The following CHSY3 variants were observed in gnomAD, a reference collection of about 807,000 sequenced individuals.
The protein encoded by CHSY3 is chondroitin sulfate synthase 3, also known as N-acetylgalactosaminyl-proteoglycan 3-beta-glucuronosyltransferase 3.
In CHSY3, 35 loss-of-function variants were observed where a neutral mutation model predicts 67.2. That is an observed-to-expected ratio of 0.52 (90% CI 0.40 to 0.69). The LOEUF (loss-of-function observed/expected upper bound fraction) is 0.69, where lower values mean the gene tolerates loss of function less well. Among genes scored for constraint, CHSY3 ranks in the 30% least tolerant of loss-of-function variants. The probability of loss-of-function intolerance (pLI) is 0.00; values close to 1 mark genes in which losing one functional copy is unlikely to be tolerated. For synonymous variants in CHSY3, 474 were observed against 434.7 expected, an observed-to-expected ratio of 1.09 and a Z score of -1.12; for missense variants, 1,069 against 1,138.5, an observed-to-expected ratio of 0.94 and a Z score of 0.88.
chr5:129,967,247 G>A (rs988954849), intron 2 of CHSY3, among the ~76,000 whole-genome samples: 1 of 151,742 alleles, frequency 6.6e-6, no homozygotes, highest in African/African-American at 2.4e-5. Context: ...TTAATGGAGA[G>A]CCTTTTTACA....
intron 2 of CHSY3, among the ~76,000 whole-genome samples, chr5:130,053,459 C>T (rs905486869): frequency 6.6e-5 from 10 of 152,016 alleles, no homozygotes; most frequent in Admixed American, 2.0e-4. Context: ...GAAATGCATC[C>T]GTTAGTAATG....
chr5:130,026,049 GA>G (rs1233171836), intron 2 of CHSY3, among the ~76,000 whole-genome samples: 2 of 152,138 alleles, frequency 1.3e-5, no homozygotes, highest in African/African-American at 2.4e-5. Flanking sequence ...CAATGAAGAT[GA>G]AAAGTGAAGT....
intron 2 of CHSY3, among the ~76,000 whole-genome samples, chr5:130,174,120 A>G (rs1039875360): frequency 3.9e-5 from 6 of 152,104 alleles, no homozygotes; most frequent in Non-Finnish European, 7.4e-5. Context: ...CATATTCACC[A>G]TTATATTGCA....
chr5:130,007,965 C>G (rs1763923892), intron 2 of CHSY3, among the ~76,000 whole-genome samples: 1 of 152,150 alleles, frequency 6.6e-6, no homozygotes, highest in Admixed American at 6.5e-5. Flanking sequence ...ACTGACAGAC[C>G]TTGGCTAACC....
In CHSY3 at chr5:129,905,084, G is replaced by T. The variant is rs766193904; in HGVS notation, c.255G>T (p.Gly85=). 1 of 1,542,554 alleles carries T rather than the reference G, an allele frequency of 6.5e-7. No individual in the cohort carries two copies. The highest frequency in any genetic ancestry group is 8.7e-7 in the Non-Finnish European group (1 of 1,150,258). ...CCCCCGCGCGCCAGGATCTCCAGGG[G>T]CCACCGCTGCCCGAGGCAGCACCCG... The part of the protein sequence containing the change: ...SPPPARQDLQ[G]PPLPEAAPGI... The change falls in exon 1 of 3, where the codon GGG becomes GGT. Residue 85 remains glycine, a synonymous_variant. Coordinates refer to ENST00000305031, the MANE Select transcript of CHSY3 (RefSeq NM_175856.5).
intron 2 of CHSY3, among the ~76,000 whole-genome samples, chr5:129,971,966 C>T (rs1020178208): frequency 6.6e-6 from 1 of 152,006 alleles, no homozygotes; most frequent in African/African-American, 2.4e-5. Flanking sequence ...AACATCTCTT[C>T]ATCTGCAGCT....
At chr5:130,109,961 G>T (rs757537789) in intron 2 of CHSY3, among the ~76,000 whole-genome samples, 4 of 151,828 alleles carry the variant, frequency 2.6e-5, no homozygotes, top group African/African-American at 4.8e-5. Context: ...ATAGAGAATG[G>T]AGAGGTTCAA....
chr5:129,977,475 T>C (rs1256419029), intron 2 of CHSY3, among the ~76,000 whole-genome samples: 2 of 152,126 alleles, frequency 1.3e-5, no homozygotes, highest in Non-Finnish European at 2.9e-5. Flanking sequence ...ATTACATAAG[T>C]TGAATATATA....
At chr5:130,065,768 G>T (rs191193911) in intron 2 of CHSY3, among the ~76,000 whole-genome samples, 33 of 152,242 alleles carry the variant, frequency 2.2e-4, no homozygotes, top group Admixed American at 1.3e-3. Flanking sequence ...TTTATTGTCT[G>T]ACATCATTGT....
At chr5:130,082,606 T>C (rs1286876310) in intron 2 of CHSY3, among the ~76,000 whole-genome samples, 1 of 152,052 alleles carries the variant, frequency 6.6e-6, no homozygotes, top group Non-Finnish European at 1.5e-5. Context: ...AAATTCCTTA[T>C]ATAGTGATTT....
At chr5:130,149,505 C>A (rs1228863738) in intron 2 of CHSY3, among the ~76,000 whole-genome samples, 1 of 152,148 alleles carries the variant, frequency 6.6e-6, no homozygotes, top group Non-Finnish European at 1.5e-5. Context: ...AGCAAGAGCT[C>A]ACTGTCACAA....
intron 2 of CHSY3, among the ~76,000 whole-genome samples, chr5:130,009,425 T>A (rs1429880317): frequency 6.6e-6 from 1 of 151,880 alleles, no homozygotes; most frequent in Non-Finnish European, 1.5e-5. Context: ...GCTAAGAGAA[T>A]TCATTACCAC....
rs9918262 is a variant in CHSY3, at chr5:130,145,231, T to C, written c.1087-38998T>C. On this transcript the variant is annotated intron_variant, in intron 2 of 2. Transcript: ENST00000305031. Reference sequence around the variant, plus strand: ...AAACCATTCACATCAAAACAACTGGTGCTGGCATAAAAACAGATAAATAAA... The same window carrying C: ...AAACCATTCACATCAAAACAACTGGCGCTGGCATAAAAACAGATAAATAAA... Among the ~76,000 whole-genome samples, 459 of 152,264 alleles carry C rather than the reference T, an allele frequency of 3.0e-3. 2 individuals are homozygous for C. The highest frequency in any genetic ancestry group is 0.011 in the African/African-American group (441 of 41,542).
chr5:130,118,076 C>T (rs546095211), intron 2 of CHSY3, among the ~76,000 whole-genome samples: 1 of 152,220 alleles, frequency 6.6e-6, no homozygotes, highest in Non-Finnish European at 1.5e-5. Flanking sequence ...GGTGACATGC[C>T]TGCTCCCTCT....
intron 2 of CHSY3, among the ~76,000 whole-genome samples, chr5:130,082,107 G>A (rs564943485): frequency 2.1e-4 from 32 of 151,852 alleles, no homozygotes; most frequent in Non-Finnish European, 4.1e-4. Context: ...AAAAAATTAC[G>A]TTTCCCATCT....
rs544722951 is a variant in CHSY3, at chr5:129,977,996, C to A, written c.1086+69636C>A. ...AATCAATCTGAAACTTTCACCAGAT[C>A]CCTTCAGCAGTTTTTCTTTCTCAGT... is the stretch of plus-strand genomic sequence containing the variant. On this transcript the variant is annotated intron_variant, in intron 2 of 2. Transcript: ENST00000305031. 1.2e-4 allele frequency among the ~76,000 whole-genome samples: 18 copies of A among 152,154 alleles called. No homozygotes were observed. The South Asian group carries it at 3.7e-3, about 32-fold the overall frequency.
At chr5:130,116,273 T>G (rs1767797996) in intron 2 of CHSY3, among the ~76,000 whole-genome samples, 1 of 152,194 alleles carries the variant, frequency 6.6e-6, no homozygotes, top group Admixed American at 6.5e-5. Context: ...CAAAAAAACG[T>G]GGCAAGGATA....
chr5:130,183,064 A>T (rs1770297814), intron 2 of CHSY3, among the ~76,000 whole-genome samples: 2 of 151,988 alleles, frequency 1.3e-5, no homozygotes, highest in African/African-American at 4.8e-5. Flanking sequence ...ATATTTGCAG[A>T]CATGGTGCTG....
intron 2 of CHSY3, among the ~76,000 whole-genome samples, chr5:129,944,299 G>C (rs1761783663): frequency 6.6e-6 from 1 of 152,198 alleles, no homozygotes. Flanking sequence ...TCCAGAAAGA[G>C]ATCAGTTTTC....
Sources: allele counts gnomAD v4.1 joint callset (sites outside exome capture counted in the v4.1 genomes callset), GRCh38; gene constraint gnomAD v4.1.1; transcripts MANE v1.5; gene names NCBI Gene and HGNC (gene_info 2026-07-23, HGNC 2026-07-21).